CFAP36: variants seen among roughly 807,000 people sequenced by gnomAD.
The protein encoded by CFAP36 is cilia and flagella associated protein 36.
In CFAP36, 37 loss-of-function variants were observed where a neutral mutation model predicts 50.5. That is an observed-to-expected ratio of 0.73 (90% CI 0.56 to 0.96). CFAP36 has a LOEUF of 0.96. CFAP36 is among the 50% of genes least tolerant of loss of function. CFAP36 has a pLI of 0.00. For missense variants in CFAP36, 407 were observed against 396.2 expected, an observed-to-expected ratio of 1.03 and a Z score of -0.23; for synonymous variants, 138 against 128.2, an observed-to-expected ratio of 1.08 and a Z score of -0.52.
chr2:55,540,065 T>C (rs1219080571), intron 7 of CFAP36, among the ~76,000 whole-genome samples: 2 of 152,206 alleles, frequency 1.3e-5, no homozygotes, highest in East Asian at 3.8e-4. Flanking sequence ...TCTGAAAATA[T>C]TTTCTTCCAG....
intron 2 of CFAP36, 128 bp downstream of exon 2, chr2:55,522,294 A>G (rs190021843): frequency 1.1e-5 from 6 of 545,976 alleles, no homozygotes; most frequent in Admixed American, 6.8e-5. Context: ...TACCTTAACA[A>G]TAGTGCCAGT....
intron 5 of CFAP36, 65 bp from the exon 6 acceptor site, chr2:55,535,647 T>A: frequency 8.2e-7 from 1 of 1,213,966 alleles, no homozygotes. Flanking sequence ...TGTTGCTTAG[T>A]TGAATATTTG....
chr2:55,521,794 T>C (rs765373313), intron 1 of CFAP36, among the ~76,000 whole-genome samples: 11 of 151,966 alleles, frequency 7.2e-5, no homozygotes, highest in Non-Finnish European at 1.5e-4. Flanking sequence ...CACGCCTGGC[T>C]GATTTTTGTA....
chr2:55,538,987 TA>T, intron 7 of CFAP36: 1 of 1,313,934 alleles, frequency 7.6e-7, no homozygotes, highest in Non-Finnish European at 9.9e-7. Context: ...AGGTTCACAG[TA>T]AAATTGAGCA....
Position 55,543,947 on chromosome 2 carries a change from T to G in CFAP36, c.650T>G (p.Met217Arg), listed in dbSNP as rs747140574. ...GTCTACTTATTGCCAGAAGTTAAAATGCATTTTGCTAATCAGTCAATAGAA... is the reference window on the plus strand; with the variant it reads ...GTCTACTTATTGCCAGAAGTTAAAAGGCATTTTGCTAATCAGTCAATAGAA... Reference protein sequence around the residue: ...HFAHPPSEVKMHFANQSIEPL... With the variant: ...HFAHPPSEVKRHFANQSIEPL... Residue 217 changes from methionine (M) to arginine (R), a missense_variant, in exon 8 of 10, where the codon ATG becomes AGG. Physicochemically the swap from Met to Arg is moderately conservative, Grantham distance 91 (BLOSUM62 -1). Transcript: ENST00000349456. 5 of 1,611,642 alleles carry G rather than the reference T, an allele frequency of 3.1e-6. No homozygotes were observed. The highest frequency in any genetic ancestry group is 4.2e-6 in the Non-Finnish European group (5 of 1,178,958).
In CFAP36 at chr2:55,519,906, GAAATGTGAAGGTAAA is replaced by G; in HGVS notation, c.108_115+7del. ...TCCCCATCTTGGACTTTGTGGAACA[GAAATGTGAAGGTAAA>G]AACCAGAGCCCGAACCGACAATCCT... On this transcript the variant is annotated splice_donor_variant and splice_donor_5th_base_variant and coding_sequence_variant and intron_variant, in exon 1 of 10. Coordinates refer to ENST00000349456, the MANE Select transcript of CFAP36 (RefSeq NM_080667.7). LOFTEE classifies it high-confidence loss of function. 1 of 1,614,170 alleles carries G rather than the reference GAAATGTGAAGGTAAA, an allele frequency of 6.2e-7. No homozygotes were observed. Among genetic ancestry groups the G allele is most frequent in the Non-Finnish European group, 8.5e-7 (1 of 1,179,986 alleles).
intron 4 of CFAP36, among the ~76,000 whole-genome samples, chr2:55,530,121 T>C (rs933905883): frequency 1.3e-5 from 2 of 152,170 alleles, no homozygotes; most frequent in Non-Finnish European, 2.9e-5. Context: ...TGGGAGGTAA[T>C]TGAATTTTGG....
intron 3 of CFAP36, 91 bp downstream of exon 3, chr2:55,523,913 G>A (rs778661819): frequency 4.1e-5 from 33 of 796,010 alleles, no homozygotes; most frequent in Admixed American, 1.6e-4. Flanking sequence ...GATTGACAAA[G>A]TGTAATATTT....
chr2:55,522,804 T>C (rs548509908), intron 2 of CFAP36, among the ~76,000 whole-genome samples: 2 of 152,218 alleles, frequency 1.3e-5, no homozygotes, highest in East Asian at 2.0e-4. Context: ...TTTTAAAAAA[T>C]GCCTCTGGCA....
intron 4 of CFAP36, among the ~76,000 whole-genome samples, chr2:55,529,983 C>T (rs867716593): frequency 6.6e-6 from 1 of 152,162 alleles, no homozygotes; most frequent in Non-Finnish European, 1.5e-5. Context: ...GCACATATGG[C>T]TGCCTCCCAG....
intron 7 of CFAP36, among the ~76,000 whole-genome samples, chr2:55,542,281 A>G (rs997628980): frequency 1.3e-5 from 2 of 152,264 alleles, no homozygotes; most frequent in Non-Finnish European, 2.9e-5. Context: ...ATGGTACACC[A>G]TAAATGGTAG....
intron 7 of CFAP36, chr2:55,538,946 T>C (rs1684563913): frequency 3.5e-6 from 5 of 1,413,906 alleles, no homozygotes; most frequent in Non-Finnish European, 4.6e-6. Flanking sequence ...GGAGAACACC[T>C]TTCTTTAATA....
chr2:55,537,853 G>C (rs1279679588), intron 7 of CFAP36, among the ~76,000 whole-genome samples: 1 of 152,206 alleles, frequency 6.6e-6, no homozygotes, highest in Non-Finnish European at 1.5e-5. Flanking sequence ...ACTAGCCTTT[G>C]TGCATGACTG....
At position 55,528,935 on chromosome 2, in the gene CFAP36, G is replaced by T. The variant is rs920456535; in HGVS notation, c.340G>T (p.Val114Phe). ...EDFTIFKAMM[V>F]QKNIEMQLQA... Reference sequence around the variant, plus strand: ...TTTTACTATCTTTAAAGCAATGATGGTCCAGAAAAACATTGAAATGCAGCT... The same window carrying T: ...TTTTACTATCTTTAAAGCAATGATGTTCCAGAAAAACATTGAAATGCAGCT... Residue 114 changes from valine (V) to phenylalanine (F), a missense_variant, in exon 4 of 10, where the codon GTC (valine) becomes TTC (phenylalanine). By Grantham distance (50) the Val-to-Phe change is conservative. Transcript: ENST00000349456. 4 of 1,611,636 alleles carry T rather than the reference G, an allele frequency of 2.5e-6. No homozygotes were observed. Among genetic ancestry groups the T allele is most frequent in the Non-Finnish European group, 3.4e-6 (4 of 1,178,988 alleles).
At chr2:55,544,450 T>C in intron 9 of CFAP36, 81 bp downstream of exon 9, 1 of 1,450,678 alleles carries the variant, frequency 6.9e-7, no homozygotes, top group Non-Finnish European at 9.3e-7. Flanking sequence ...AGAAAGCCTC[T>C]AATAAATTTT....
intron 2 of CFAP36, among the ~76,000 whole-genome samples, chr2:55,523,209 G>A (rs1210400182): frequency 2.7e-5 from 4 of 150,884 alleles, no homozygotes; most frequent in South Asian, 2.1e-4. Flanking sequence ...TCAGGAATTC[G>A]AGACCAGCCT....
At chr2:55,525,806 AT>A in intron 3 of CFAP36, among the ~76,000 whole-genome samples, 1 of 152,124 alleles carries the variant, frequency 6.6e-6, no homozygotes, top group East Asian at 1.9e-4. Flanking sequence ...AAGTTTTTGT[AT>A]TTTTAGTAGA....
At chr2:55,544,776 G>C (rs955639761) in intron 9 of CFAP36, 131 bp from the exon 10 acceptor site, 1 of 628,100 alleles carries the variant, frequency 1.6e-6, no homozygotes, top group Non-Finnish European at 2.8e-6. Context: ...AGGAAACCTA[G>C]TCTATGTCTG....
Position 55,527,428 on chromosome 2 carries a change from A to G in CFAP36, c.283-1450A>G, listed in dbSNP as rs191605480. 3.9e-3 allele frequency among the ~76,000 whole-genome samples: 592 copies of G among 152,190 alleles called. 1 individual carries two copies. The highest frequency in any genetic ancestry group is 0.014 in the African/African-American group (565 of 41,530). Reference sequence around the variant, plus strand: ...TGAAACCCGTCTCTACTAAAAATACAAAAATTAGCCGGGTGTGGTAGTGGG... The same window carrying G: ...TGAAACCCGTCTCTACTAAAAATACGAAAATTAGCCGGGTGTGGTAGTGGG... On this transcript the variant is annotated intron_variant, in intron 3 of 9. Coordinates refer to ENST00000349456, the MANE Select transcript of CFAP36 (RefSeq NM_080667.7).
Sources: gnomAD v4.1 joint callset for allele counts (sites outside exome capture counted in the v4.1 genomes callset) on GRCh38, gnomAD v4.1.1 for gene constraint, MANE v1.5 for transcripts, NCBI Gene and HGNC (gene_info 2026-07-23, HGNC 2026-07-21) for gene names.